GALNTL6: variants seen among roughly 807,000 people sequenced by gnomAD.
The protein encoded by GALNTL6 is polypeptide N-acetylgalactosaminyltransferase like 6.
Under a neutral mutation model 73.7 loss-of-function variants are expected in GALNTL6, and 46 were observed. The observed-to-expected ratio is 0.62, with a 90% CI of 0.49 to 0.80. The LOEUF is 0.80. Among genes scored for constraint, GALNTL6 ranks in the 30% least tolerant of loss-of-function variants. The pLI is 0.00. For synonymous variants in GALNTL6, 259 were observed against 263.7 expected, an observed-to-expected ratio of 0.98 and a Z score of 0.17; for missense variants, 604 against 755.0, an observed-to-expected ratio of 0.80 and a Z score of 2.34.
At chr4:171,974,770 A>G (rs1343646218) in intron 2 of GALNTL6, among the ~76,000 whole-genome samples, 1 of 152,140 alleles carries the variant, frequency 6.6e-6, no homozygotes, top group Non-Finnish European at 1.5e-5. Context: ...TACTTTTATG[A>G]ATTTTGCAAT....
chr4:172,700,020 A>G (rs1214628378), intron 5 of GALNTL6, among the ~76,000 whole-genome samples: 1 of 152,192 alleles, frequency 6.6e-6, no homozygotes, highest in Non-Finnish European at 1.5e-5. Context: ...AACTTCCGTC[A>G]ATGACCTATG....
chr4:171,819,750 A>C (rs1734633719), intron 2 of GALNTL6, among the ~76,000 whole-genome samples: 1 of 152,144 alleles, frequency 6.6e-6, no homozygotes, highest in Non-Finnish European at 1.5e-5. Flanking sequence ...ATGTAAGTGG[A>C]ATATAGAATC....
intron 2 of GALNTL6, among the ~76,000 whole-genome samples, chr4:171,899,941 G>C (rs1737031638): frequency 6.6e-6 from 1 of 151,974 alleles, no homozygotes; most frequent in Non-Finnish European, 1.5e-5. Flanking sequence ...CTGTCATTTG[G>C]TAAGTCAAGA....
In GALNTL6 at chr4:172,461,593, T is replaced by C. The variant is rs148357763; in HGVS notation, c.553+112904T>C. Among the ~76,000 whole-genome samples the C allele has an allele frequency of 9.3e-4, 141 of 152,306 alleles. 4 individuals are homozygous for C. In the East Asian group the frequency reaches 0.027, roughly 29 times the overall value. ...TCACTCTGGCCCAAAAAAGGATAAATATCCCTTCCTTTGATTCTTTTTGCA... is the reference window on the plus strand; with the variant it reads ...TCACTCTGGCCCAAAAAAGGATAAACATCCCTTCCTTTGATTCTTTTTGCA... On this transcript the variant is annotated intron_variant, in intron 5 of 12. Transcript: ENST00000506823.
chr4:172,123,285 T>C (rs1205406709), intron 2 of GALNTL6, among the ~76,000 whole-genome samples: 1 of 152,164 alleles, frequency 6.6e-6, no homozygotes, highest in African/African-American at 2.4e-5. Flanking sequence ...ATTAAACTTA[T>C]ACAAATAAAC....
intron 4 of GALNTL6, among the ~76,000 whole-genome samples, chr4:172,327,350 CA>C (rs1415822582): frequency 6.6e-6 from 1 of 151,954 alleles, no homozygotes; most frequent in East Asian, 1.9e-4. Context: ...GTGCCATGTG[CA>C]GCTTAGAAAA....
intron 2 of GALNTL6, among the ~76,000 whole-genome samples, chr4:171,924,963 T>C (rs1737934465): frequency 6.6e-6 from 1 of 152,188 alleles, no homozygotes; most frequent in Non-Finnish European, 1.5e-5. Flanking sequence ...TCTTAGAAGC[T>C]GGAAAACTCC....
intron 8 of GALNTL6, among the ~76,000 whole-genome samples, chr4:172,917,442 A>G (rs1249932544): frequency 6.6e-6 from 1 of 152,222 alleles, no homozygotes; most frequent in Non-Finnish European, 1.5e-5. Flanking sequence ...AAAAGAACCT[A>G]CCATCAAAGT....
chr4:172,904,590 G>A (rs1261369827), intron 8 of GALNTL6, among the ~76,000 whole-genome samples: 1 of 152,104 alleles, frequency 6.6e-6, no homozygotes, highest in Non-Finnish European at 1.5e-5. Context: ...TGAGTCTGTT[G>A]GGGAGTCAGT....
chr4:172,538,396 C>T (rs959244058), intron 5 of GALNTL6, among the ~76,000 whole-genome samples: 2 of 151,946 alleles, frequency 1.3e-5, no homozygotes, highest in Non-Finnish European at 2.9e-5. Flanking sequence ...GGAAGCAGAG[C>T]TTGCAAAGAG....
intron 8 of GALNTL6, among the ~76,000 whole-genome samples, chr4:172,894,587 C>A (rs541449081): frequency 6.6e-6 from 1 of 152,060 alleles, no homozygotes; most frequent in Non-Finnish European, 1.5e-5. Flanking sequence ...ACTTGTTTTG[C>A]GGCCTAACAT....
intron 7 of GALNTL6, among the ~76,000 whole-genome samples, chr4:172,867,034 G>A (rs1007420748): frequency 6.6e-6 from 1 of 152,128 alleles, no homozygotes. Context: ...ATATGTAGAA[G>A]CGGTCCCTCA....
At chr4:172,260,002 T>G (rs1292094195) in intron 3 of GALNTL6, among the ~76,000 whole-genome samples, 2 of 151,676 alleles carry the variant, frequency 1.3e-5, no homozygotes, top group African/African-American at 2.4e-5. Context: ...GCTATTTTGG[T>G]AACTATAACC....
At chr4:172,318,277 A>G (rs1226764285) in intron 4 of GALNTL6, among the ~76,000 whole-genome samples, 2 of 152,226 alleles carry the variant, frequency 1.3e-5, no homozygotes, top group Non-Finnish European at 2.9e-5. Context: ...AAAAGACAGA[A>G]GGTGTTTATC....
chr4:172,175,830 C>T (rs899489816), intron 2 of GALNTL6, among the ~76,000 whole-genome samples: 1 of 151,992 alleles, frequency 6.6e-6, no homozygotes, highest in Non-Finnish European at 1.5e-5. Context: ...TTATGTGCTC[C>T]TTTGCTTGTC....
intron 5 of GALNTL6, among the ~76,000 whole-genome samples, chr4:172,395,250 T>C (rs1561063300): frequency 6.6e-6 from 1 of 151,892 alleles, no homozygotes. Flanking sequence ...ATAGTCATAT[T>C]GCATAAACAT....
intron 5 of GALNTL6, among the ~76,000 whole-genome samples, chr4:172,560,076 A>C (rs1353635217): frequency 6.6e-6 from 1 of 152,200 alleles, no homozygotes; most frequent in East Asian, 1.9e-4. Flanking sequence ...TATTAAAATA[A>C]GAGAGTGAAG....
intron 7 of GALNTL6, among the ~76,000 whole-genome samples, chr4:172,821,879 A>T (rs1741948285): frequency 6.6e-6 from 1 of 152,196 alleles, no homozygotes; most frequent in Non-Finnish European, 1.5e-5. Flanking sequence ...TCCAAAGCAA[A>T]GTTGTAAATT....
intron 3 of GALNTL6, among the ~76,000 whole-genome samples, chr4:172,307,664 G>GTAA (rs923163417): frequency 9.5e-4 from 144 of 152,252 alleles, no homozygotes; most frequent in African/African-American, 3.2e-3. Context: ...TCAGTTGGCT[G>GTAA]TAAGTATTTG....
Sources: allele counts gnomAD v4.1 joint callset (sites outside exome capture counted in the v4.1 genomes callset), GRCh38; gene constraint gnomAD v4.1.1; transcripts MANE v1.5; gene names NCBI Gene and HGNC (gene_info 2026-07-23, HGNC 2026-07-21).